ZDHHC17: variants seen among roughly 807,000 people sequenced by gnomAD.
ZDHHC17 encodes palmitoyltransferase ZDHHC17.
In ZDHHC17, 40 loss-of-function variants were observed where a neutral mutation model predicts 90.3. The observed-to-expected ratio is 0.44, with a 90% CI of 0.34 to 0.58. The LOEUF is 0.58. ZDHHC17 is among the 20% of genes least tolerant of loss of function. The pLI is 0.01. For missense variants in ZDHHC17, 614 were observed against 780.8 expected (o/e 0.79, Z 2.55); for synonymous variants, 235 against 252.4 (o/e 0.93, Z 0.65).
At chr12:76,773,962 C>T (rs1462583649) in intron 1 of ZDHHC17, among the ~76,000 whole-genome samples, 1 of 152,090 alleles carries the variant, frequency 6.6e-6, no homozygotes, top group Non-Finnish European at 1.5e-5. Flanking sequence ...GTAAAATATA[C>T]TTCTGGCTGA....
chr12:76,770,661 G>A (rs955921332), intron 1 of ZDHHC17, among the ~76,000 whole-genome samples: 1 of 152,170 alleles, frequency 6.6e-6, no homozygotes, highest in African/African-American at 2.4e-5. Context: ...GTGCTGGCCG[G>A]GCTTGGTGGC....
At chr12:76,798,154 A>G (rs184352278) in intron 2 of ZDHHC17, among the ~76,000 whole-genome samples, 39 of 152,306 alleles carry the variant, frequency 2.6e-4, no homozygotes, top group African/African-American at 4.3e-4. Context: ...TGTGCATCCA[A>G]TATTCTCCCG....
chr12:76,805,184 A>C (rs538836834), intron 2 of ZDHHC17, 133 bp from the exon 3 acceptor site: 21 of 861,256 alleles, frequency 2.4e-5, no homozygotes, highest in Non-Finnish European at 3.6e-5. Context: ...TTTTAAAAGT[A>C]ATATTCTATG....
intron 2 of ZDHHC17, among the ~76,000 whole-genome samples, chr12:76,802,968 G>T (rs927935977): frequency 2.6e-5 from 4 of 151,460 alleles, no homozygotes; most frequent in African/African-American, 9.7e-5. Context: ...TAAATTACAT[G>T]AGGCCAGGCA....
intron 7 of ZDHHC17, among the ~76,000 whole-genome samples, chr12:76,819,079 G>C (rs1390680170): frequency 6.6e-6 from 1 of 152,160 alleles, no homozygotes; most frequent in Non-Finnish European, 1.5e-5. Context: ...GGTAGATTAG[G>C]TGTGAGGATA....
Position 76,809,430 on chromosome 12 carries a change from A to G in ZDHHC17, c.399-283A>G, listed in dbSNP as rs577224657. On this transcript the variant is annotated intron_variant, in intron 4 of 16. Coordinates refer to ENST00000426126, the MANE Select transcript of ZDHHC17 (RefSeq NM_015336.4). ...TGAAAGAATTAGCTCATTTCTTGGGATGATTGAGATAATATTAGAATGGAC... is the reference window on the plus strand; with the variant it reads ...TGAAAGAATTAGCTCATTTCTTGGGGTGATTGAGATAATATTAGAATGGAC... Among the ~76,000 whole-genome samples the G allele has an allele frequency of 2.2e-3, 337 of 152,166 alleles. 3 individuals carry two copies. Among genetic ancestry groups the G allele is most frequent in the Non-Finnish European group, 2.7e-3 (181 of 67,980 alleles).
At chr12:76,842,159 T>G in intron 11 of ZDHHC17, 53 bp downstream of exon 11, 2 of 1,489,776 alleles carry the variant, frequency 1.3e-6, no homozygotes, top group Non-Finnish European at 1.8e-6. Context: ...TTATCAGTAT[T>G]TACAGCAGAC....
intron 10 of ZDHHC17, among the ~76,000 whole-genome samples, chr12:76,833,218 A>C (rs1953325758): frequency 6.6e-6 from 1 of 152,080 alleles, no homozygotes; most frequent in African/African-American, 2.4e-5. Context: ...CAGATATATC[A>C]TTTTACTTGG....
intron 1 of ZDHHC17, among the ~76,000 whole-genome samples, chr12:76,786,675 C>T (rs995896316): frequency 6.6e-6 from 1 of 152,144 alleles, no homozygotes; most frequent in African/African-American, 2.4e-5. Flanking sequence ...AGGTATGCAC[C>T]ACTGCACCCA....
intron 4 of ZDHHC17, among the ~76,000 whole-genome samples, 157 bp downstream of exon 4, chr12:76,809,277 G>A (rs954760228): frequency 6.6e-6 from 1 of 152,106 alleles, no homozygotes. Context: ...AATATTACCT[G>A]TAAAGAAGCA....
chr12:76,780,838 T>C lies in ZDHHC17; in HGVS notation c.93+16509T>C, dbSNP rs955193151. 2.0e-5 allele frequency among the ~76,000 whole-genome samples: 3 copies of C among 152,242 alleles called. No individual in the cohort carries two copies. The East Asian group carries it at 5.8e-4, about 29-fold the overall frequency. On this transcript the variant is annotated intron_variant, in intron 1 of 16. Transcript: ENST00000426126. The stretch of plus-strand genomic sequence containing the variant: ...GATCTCCCCAAATTAAGAAGTCCGA[T>C]AGGCCGGGCGCTGTGGCTTCTGCCT...
At chr12:76,826,851 C>G (rs1953236379) in intron 8 of ZDHHC17, 57 bp from the exon 9 acceptor site, 1 of 1,458,566 alleles carries the variant, frequency 6.9e-7, no homozygotes, top group Non-Finnish European at 9.0e-7. Context: ...AACAATGATT[C>G]AGATTGAGAT....
At chr12:76,847,088 T>C (rs543557548) in intron 14 of ZDHHC17, among the ~76,000 whole-genome samples, 2 of 152,324 alleles carry the variant, frequency 1.3e-5, no homozygotes, top group South Asian at 2.1e-4. Flanking sequence ...ATTTGAAATA[T>C]TTTGAAAAGT....
intron 1 of ZDHHC17, among the ~76,000 whole-genome samples, chr12:76,782,464 T>G (rs914338299): frequency 3.9e-5 from 6 of 152,186 alleles, no homozygotes; most frequent in Non-Finnish European, 8.8e-5. Context: ...AAGAGAGGGC[T>G]TTCACTATGT....
chr12:76,770,843 A>G (rs1379107344), intron 1 of ZDHHC17, among the ~76,000 whole-genome samples: 1 of 150,582 alleles, frequency 6.6e-6, no homozygotes, highest in African/African-American at 2.4e-5. Flanking sequence ...AGGCTGAGGC[A>G]GGAGAATCGC....
intron 1 of ZDHHC17, among the ~76,000 whole-genome samples, chr12:76,792,167 A>G (rs928603198): frequency 6.6e-6 from 1 of 152,110 alleles, no homozygotes; most frequent in East Asian, 1.9e-4. Context: ...TTTATGCTAT[A>G]TAGGCTCCAC....
chr12:76,804,348 C>G (rs1467227157), intron 2 of ZDHHC17, among the ~76,000 whole-genome samples: 1 of 152,188 alleles, frequency 6.6e-6, no homozygotes, highest in Non-Finnish European at 1.5e-5. Context: ...TAGACTCACT[C>G]TCCTATGAGG....
intron 2 of ZDHHC17, among the ~76,000 whole-genome samples, chr12:76,804,624 G>A (rs1488666285): frequency 6.6e-6 from 1 of 152,190 alleles, no homozygotes; most frequent in Non-Finnish European, 1.5e-5. Context: ...TCATTATTGT[G>A]AAATCAAAAC....
At position 76,797,554 on chromosome 12, in the gene ZDHHC17, A is replaced by G. The variant is rs1169608362; in HGVS notation, c.197+17A>G. The G allele has an allele frequency of 3.9e-6, 6 of 1,554,746 alleles. No homozygotes were observed. The highest frequency in any genetic ancestry group is 3.9e-5 in the Admixed American group (2 of 51,268). On this transcript the variant is annotated intron_variant, in intron 2 of 16. Transcript: ENST00000426126. ...GGCTACACAGTAAGGTTTTTGTTGT[A>G]GTTGTTTTCTTTGGCATGTGTATTT... is the stretch of plus-strand genomic sequence containing the variant.
Sources: allele counts gnomAD v4.1 joint callset (sites outside exome capture counted in the v4.1 genomes callset), GRCh38; gene constraint gnomAD v4.1.1; transcripts MANE v1.5; gene names NCBI Gene and HGNC (gene_info 2026-07-23, HGNC 2026-07-21).